Variants in SLX4IP observed in about 807,000 individuals in gnomAD.
SLX4IP encodes the protein SLX4 interacting protein, also known as protein SLX4IP.
A neutral mutation model predicts 32.9 loss-of-function variants in SLX4IP; 34 were observed. The observed-to-expected ratio is 1.03, with a 90% CI of 0.79 to 1.38. SLX4IP has a LOEUF of 1.38. Among genes scored for constraint, SLX4IP ranks in the 40% most tolerant of loss-of-function variants. The pLI is 0.00. For missense variants in SLX4IP, 444 were observed against 479.0 expected, an observed-to-expected ratio of 0.93 and a Z score of 0.68; for synonymous variants, 172 against 171.7, an observed-to-expected ratio of 1.00 and a Z score of -0.01.
Position 10,518,492 on chromosome 20 carries a change from TCC to T in SLX4IP, c.28-37738_28-37737del, listed in dbSNP as rs1568720332. Among the ~76,000 whole-genome samples the T allele has an allele frequency of 6.8e-4, 9 of 13,300 alleles. No individual in the cohort carries two copies. The South Asian group carries it at 0.015, about 22-fold the overall frequency. The allele number at this position is 13,300 out of a possible 152,430, so 8.7% of individuals were successfully genotyped here. The stretch of plus-strand genomic sequence containing the variant: ...CCTTTCTTTTCCTTTCCTTTCCTTT[TCC>T]TTCCTTCCTTCCTTCCTTCCTTCCT... On this transcript the variant is annotated intron_variant, in intron 2 of 7. Transcript: ENST00000334534.
intron 1 of SLX4IP, among the ~76,000 whole-genome samples, chr20:10,452,581 G>T (rs897264758): frequency 4.6e-5 from 7 of 150,724 alleles, no homozygotes; most frequent in Admixed American, 1.3e-4. Flanking sequence ...CAGGAGAATC[G>T]CTTGAACCCA....
chr20:10,603,888 C>G (rs1451178334), intron 6 of SLX4IP, among the ~76,000 whole-genome samples: 7 of 152,202 alleles, frequency 4.6e-5, no homozygotes, highest in African/African-American at 1.7e-4. Context: ...CACCATCCTT[C>G]CACCAGAAGT....
intron 5 of SLX4IP, 99 bp from the exon 6 acceptor site, chr20:10,601,632 C>A: frequency 1.1e-6 from 1 of 877,078 alleles, no homozygotes; most frequent in Non-Finnish European, 1.9e-6. Flanking sequence ...TATGGATGTG[C>A]ATATTGCAGT....
chr20:10,475,141 T>G (rs1405557173), intron 2 of SLX4IP, among the ~76,000 whole-genome samples: 1 of 152,254 alleles, frequency 6.6e-6, no homozygotes. Flanking sequence ...CACTGCATTC[T>G]GTGGAGGGCC....
intron 2 of SLX4IP, among the ~76,000 whole-genome samples, chr20:10,475,696 C>T (rs1201887760): frequency 6.6e-6 from 1 of 152,214 alleles, no homozygotes; most frequent in Non-Finnish European, 1.5e-5. Context: ...AACTGCTGCA[C>T]TTTCTGCCCC....
At chr20:10,590,603 C>T in intron 4 of SLX4IP, among the ~76,000 whole-genome samples, 1 of 152,122 alleles carries the variant, frequency 6.6e-6, no homozygotes, top group East Asian at 1.9e-4. Context: ...TTAGGCATTC[C>T]ACTCGCCTCA....
At chr20:10,467,092 T>TA (rs536947821) in intron 2 of SLX4IP, among the ~76,000 whole-genome samples, 27 of 152,330 alleles carry the variant, frequency 1.8e-4, no homozygotes, top group African/African-American at 6.5e-4. Context: ...GGTAAATGGG[T>TA]AATCACTAGG....
chr20:10,506,636 A>G (rs920424736), intron 2 of SLX4IP, among the ~76,000 whole-genome samples: 1 of 152,254 alleles, frequency 6.6e-6, no homozygotes, highest in African/African-American at 2.4e-5. Context: ...TGAGACCCTT[A>G]GGATGTGTCA....
intron 4 of SLX4IP, among the ~76,000 whole-genome samples, chr20:10,572,853 A>C (rs1221255732): frequency 6.6e-6 from 1 of 152,162 alleles, no homozygotes; most frequent in African/African-American, 2.4e-5. Flanking sequence ...ACGAATTACC[A>C]AGGTGTTCTC....
At chr20:10,621,182 G>C in intron 6 of SLX4IP, 132 bp from the exon 7 acceptor site, 1 of 774,228 alleles carries the variant, frequency 1.3e-6, no homozygotes, top group South Asian at 1.8e-5. Context: ...GGTTAAAATA[G>C]CTTACCACTG....
At chr20:10,465,951 T>A (rs747171125) in intron 2 of SLX4IP, among the ~76,000 whole-genome samples, 2 of 152,214 alleles carry the variant, frequency 1.3e-5, no homozygotes, top group Non-Finnish European at 2.9e-5. Flanking sequence ...TGGTACCTTA[T>A]CAGAATAAGC....
In SLX4IP at chr20:10,626,177, G is replaced by C. The variant is rs567305304; in HGVS notation, c.*2798G>C. The C allele has an allele frequency of 3.5e-5, 5 of 142,336 alleles. No homozygotes were observed. In the East Asian group the frequency reaches 1.0e-3, roughly 29 times the overall value. The allele number at this position is 142,336 out of a possible 1,614,324, so 8.8% of individuals were successfully genotyped here. ...CTACAGACGCTCGCCACCACGCCCG[G>C]CTAATTTTTTGTATTTTTTTTTTTT... On this transcript the variant is annotated 3_prime_UTR_variant, in exon 8 of 8. Coordinates refer to ENST00000334534, the MANE Select transcript of SLX4IP (RefSeq NM_001009608.3).
At chr20:10,491,565 C>T (rs568439036) in intron 2 of SLX4IP, among the ~76,000 whole-genome samples, 3 of 152,210 alleles carry the variant, frequency 2.0e-5, no homozygotes, top group Non-Finnish European at 2.9e-5. Context: ...ATGCTTATCA[C>T]TTTTCCCCAA....
At chr20:10,576,918 T>C (rs998051941) in intron 4 of SLX4IP, among the ~76,000 whole-genome samples, 4 of 152,158 alleles carry the variant, frequency 2.6e-5, no homozygotes, top group African/African-American at 9.7e-5. Context: ...CCCCCCTAGC[T>C]GTCTGGTTTC....
intron 2 of SLX4IP, among the ~76,000 whole-genome samples, chr20:10,552,606 A>C (rs539111479): frequency 6.6e-6 from 1 of 152,224 alleles, no homozygotes; most frequent in African/African-American, 2.4e-5. Context: ...AAACCCCAGG[A>C]AAGTCTGCTC....
chr20:10,444,111 A>G (rs1200687822), intron 1 of SLX4IP, among the ~76,000 whole-genome samples: 6 of 152,178 alleles, frequency 3.9e-5, no homozygotes, highest in African/African-American at 1.4e-4. Flanking sequence ...AAGAGTTTTG[A>G]ATAGGGGACT....
intron 2 of SLX4IP, among the ~76,000 whole-genome samples, chr20:10,547,716 G>A (rs147748052): frequency 2.0e-5 from 3 of 152,178 alleles, no homozygotes; most frequent in East Asian, 3.9e-4. Context: ...TTTTTCCTGC[G>A]TTCAGGGTGC....
chr20:10,442,705 C>T (rs544745801), intron 1 of SLX4IP, among the ~76,000 whole-genome samples: 8 of 152,192 alleles, frequency 5.3e-5, no homozygotes, highest in Non-Finnish European at 1.0e-4. Context: ...TTCTGTAAAC[C>T]TGGTCACTGA....
At chr20:10,483,966 A>G (rs1256077425) in intron 2 of SLX4IP, among the ~76,000 whole-genome samples, 3 of 152,120 alleles carry the variant, frequency 2.0e-5, no homozygotes, top group Non-Finnish European at 4.4e-5. Flanking sequence ...ATACTTTGCT[A>G]TGTTTCCTCC....
Sources: allele counts gnomAD v4.1 joint callset (sites outside exome capture counted in the v4.1 genomes callset), GRCh38; gene constraint gnomAD v4.1.1; transcripts MANE v1.5; gene names NCBI Gene and HGNC (gene_info 2026-07-23, HGNC 2026-07-21).